PCDH7: variants seen among roughly 807,000 people sequenced by gnomAD.
The protein encoded by PCDH7 is protocadherin 7, also known as protocadherin-7.
A neutral mutation model predicts 58.9 loss-of-function variants in PCDH7; 17 were observed. The observed-to-expected ratio is 0.29, with a 90% CI of 0.20 to 0.43. PCDH7 has a LOEUF of 0.43. Ranked by LOEUF, PCDH7 falls within the 20% of genes least tolerant of loss-of-function variation. PCDH7 has a pLI of 1.00. For synonymous variants in PCDH7, 664 were observed against 616.4 expected (o/e 1.08, Z -1.14); for missense variants, 1,274 against 1,441.0 (o/e 0.88, Z 1.88).
intron 1 of PCDH7, among the ~76,000 whole-genome samples, chr4:30,863,901 G>C (rs1009058048): frequency 1.3e-5 from 2 of 152,120 alleles, no homozygotes; most frequent in Admixed American, 1.3e-4. Context: ...TGCTGTCAGT[G>C]AGGCTGACTG....
intron 1 of PCDH7, among the ~76,000 whole-genome samples, chr4:30,845,007 C>A (rs992125072): frequency 1.3e-5 from 2 of 152,080 alleles, no homozygotes; most frequent in Non-Finnish European, 2.9e-5. Flanking sequence ...CCTTCTTTCC[C>A]CTTCCACTGA....
chr4:30,761,158 T>A (rs1213184434), intron 1 of PCDH7, among the ~76,000 whole-genome samples: 1 of 152,214 alleles, frequency 6.6e-6, no homozygotes, highest in Non-Finnish European at 1.5e-5. Flanking sequence ...TGAGGATGGG[T>A]TCTTGGCAGT....
intron 3 of PCDH7, among the ~76,000 whole-genome samples, chr4:30,964,663 T>G (rs906094583): frequency 6.6e-6 from 1 of 150,382 alleles, no homozygotes; most frequent in African/African-American, 2.5e-5. Flanking sequence ...TAGCAGCAGA[T>G]GTACAGTTTC....
intron 3 of PCDH7, among the ~76,000 whole-genome samples, chr4:31,077,634 G>A (rs957791992): frequency 2.0e-4 from 30 of 152,074 alleles, no homozygotes; most frequent in African/African-American, 7.2e-4. Context: ...AGGATGGAAA[G>A]GGAGGTATGG....
intron 3 of PCDH7, among the ~76,000 whole-genome samples, chr4:31,124,792 G>T (rs1718101841): frequency 6.6e-6 from 1 of 152,136 alleles, no homozygotes; most frequent in African/African-American, 2.4e-5. Flanking sequence ...AAACCCAATT[G>T]TGATTAATAT....
intron 2 of PCDH7, among the ~76,000 whole-genome samples, chr4:30,923,957 A>T (rs1375636438): frequency 2.0e-5 from 3 of 152,244 alleles, no homozygotes; most frequent in Admixed American, 1.3e-4. Flanking sequence ...GCATATTGCA[A>T]TGGATTGGTA....
At chr4:30,790,444 A>G (rs1231123396) in intron 1 of PCDH7, among the ~76,000 whole-genome samples, 1 of 152,238 alleles carries the variant, frequency 6.6e-6, no homozygotes, top group Non-Finnish European at 1.5e-5. Flanking sequence ...GATGCCAAAT[A>G]GTAATTAATA....
chr4:30,776,778 C>T (rs1039428604), intron 1 of PCDH7, among the ~76,000 whole-genome samples: 3 of 151,992 alleles, frequency 2.0e-5, no homozygotes, highest in Admixed American at 6.6e-5. Flanking sequence ...GGAAAACCTA[C>T]AGGCTTAACA....
intron 1 of PCDH7, chr4:30,725,315 T>G (rs1245233077): frequency 1.0e-6 from 1 of 988,790 alleles, no homozygotes; most frequent in Non-Finnish European, 1.2e-6. Context: ...CAAACAAAAA[T>G]ACATTGCATG....
At chr4:30,751,555 A>G (rs984818167) in intron 1 of PCDH7, among the ~76,000 whole-genome samples, 6 of 152,200 alleles carry the variant, frequency 3.9e-5, no homozygotes, top group Admixed American at 3.3e-4. Context: ...TATAGGTTAT[A>G]TAATTGGATC....
At chr4:31,124,558 T>C (rs1170298443) in intron 3 of PCDH7, among the ~76,000 whole-genome samples, 6 of 152,214 alleles carry the variant, frequency 3.9e-5, no homozygotes, top group African/African-American at 1.4e-4. Context: ...AGTGCTCTAC[T>C]ACCTTCTTAC....
intron 3 of PCDH7, among the ~76,000 whole-genome samples, chr4:30,961,885 T>C (rs976410196): frequency 6.6e-6 from 1 of 152,202 alleles, no homozygotes. Context: ...TCAAACAGAA[T>C]ATGCCCATAG....
intron 3 of PCDH7, among the ~76,000 whole-genome samples, chr4:30,983,252 T>A (rs928824586): frequency 2.6e-5 from 4 of 152,220 alleles, no homozygotes; most frequent in Non-Finnish European, 4.4e-5. Flanking sequence ...TATAAGTGTA[T>A]TTTTATCTTC....
chr4:31,110,638 G>A (rs549106681), intron 3 of PCDH7, among the ~76,000 whole-genome samples: 1 of 152,194 alleles, frequency 6.6e-6, no homozygotes, highest in East Asian at 1.9e-4. Flanking sequence ...ATACCAGGCC[G>A]GGCGCGGTGG....
At chr4:31,022,064 C>G (rs1033555667) in intron 3 of PCDH7, among the ~76,000 whole-genome samples, 8 of 152,142 alleles carry the variant, frequency 5.3e-5, no homozygotes, top group Admixed American at 3.9e-4. Context: ...AAATAAAGAA[C>G]ACTTCCTTTG....
At chr4:31,133,447 A>C (rs550465452) in intron 3 of PCDH7, among the ~76,000 whole-genome samples, 2 of 152,332 alleles carry the variant, frequency 1.3e-5, no homozygotes, top group South Asian at 4.1e-4. Flanking sequence ...AACATGAATG[A>C]CCAAGAATTG....
chr4:31,011,540 TA>T (rs1753186561), intron 3 of PCDH7, among the ~76,000 whole-genome samples: 1 of 152,036 alleles, frequency 6.6e-6, no homozygotes, highest in Admixed American at 6.6e-5. Context: ...TCTTTGCAGA[TA>T]AGACATGTTC....
chr4:31,025,443 C>G (rs1754350915), intron 3 of PCDH7, among the ~76,000 whole-genome samples: 1 of 152,056 alleles, frequency 6.6e-6, no homozygotes, highest in Non-Finnish European at 1.5e-5. Context: ...CTCGTTTTTT[C>G]TTTTCTTGTT....
At chr4:30,798,720 A>AG (rs1725122069) in intron 1 of PCDH7, among the ~76,000 whole-genome samples, 1 of 152,190 alleles carries the variant, frequency 6.6e-6, no homozygotes, top group East Asian at 1.9e-4. Context: ...AGTCATGCCT[A>AG]GGAGGCTATC....
Sources: allele counts gnomAD v4.1 joint callset (sites outside exome capture counted in the v4.1 genomes callset), GRCh38; gene constraint gnomAD v4.1.1; transcripts MANE v1.5; gene names NCBI Gene and HGNC (gene_info 2026-07-23, HGNC 2026-07-21).